FNBP1: variants seen among roughly 807,000 people sequenced by gnomAD.
FNBP1 encodes formin-binding protein 1.
In FNBP1, 26 loss-of-function variants were observed where a neutral mutation model predicts 90.6. The ratio of observed to expected loss-of-function variants is 0.29; its 90% confidence interval spans 0.21 to 0.40. FNBP1 has a LOEUF of 0.40. Ranked by LOEUF, FNBP1 falls within the 10% of genes least tolerant of loss-of-function variation. The probability of loss-of-function intolerance (pLI) is 1.00; values close to 1 mark genes in which losing one functional copy is unlikely to be tolerated. For synonymous variants in FNBP1, 260 were observed against 265.2 expected (o/e 0.98, Z 0.19); for missense variants, 635 against 768.0 (o/e 0.83, Z 2.05).
rs2059843553 is a variant in FNBP1, at chr9:130,041,799, T to C, written c.24+1153A>G. ...AAACAAAACAAAAAACAAGGGAGGATGTGCTCTGTTTCTGTAATTGCTCTA... is the reference window on the plus strand; with the variant it reads ...AAACAAAACAAAAAACAAGGGAGGACGTGCTCTGTTTCTGTAATTGCTCTA... On this transcript the variant is annotated intron_variant, in intron 1 of 16. Coordinates refer to ENST00000446176, the MANE Select transcript of FNBP1 (RefSeq NM_015033.3). The surrounding 1 kb of genome is among the most constrained non-coding windows in gnomAD (Gnocchi z 4.3). Among the ~76,000 whole-genome samples the C allele has an allele frequency of 6.6e-6, 1 of 152,146 alleles. No individual in the cohort carries two copies. Among genetic ancestry groups the C allele is most frequent in the Non-Finnish European group, 1.5e-5 (1 of 68,018 alleles).
intron 2 of FNBP1, among the ~76,000 whole-genome samples, chr9:129,987,229 C>T (rs1048932763): frequency 1.3e-5 from 2 of 151,962 alleles, no homozygotes; most frequent in Admixed American, 1.3e-4. Flanking sequence ...GCAGGGAACA[C>T]GTCCCAAGCT....
intron 10 of FNBP1, among the ~76,000 whole-genome samples, chr9:129,920,164 AT>A (rs2040871203): frequency 6.6e-6 from 1 of 152,180 alleles, no homozygotes; most frequent in South Asian, 2.1e-4. Flanking sequence ...CATTTGGGAA[AT>A]TTTTTTTAAC....
rs2059907430 is a variant in FNBP1, at chr9:130,042,407, C to T, written c.24+545G>A. On this transcript the variant is annotated intron_variant, in intron 1 of 16. Coordinates refer to ENST00000446176, the MANE Select transcript of FNBP1 (RefSeq NM_015033.3). This position sits in a 1 kb window ranked among gnomAD's most constrained non-coding sequence, Gnocchi z 5.5. ...GCCGCCACGGGCCAGAAGTCCTCGC[C>T]TCCAGAGCGAAGACCGCACTCTCGC... is the stretch of plus-strand genomic sequence containing the variant. 6.6e-6 allele frequency among the ~76,000 whole-genome samples: 1 copy of T among 152,144 alleles called. No individual in the cohort carries two copies. Among genetic ancestry groups the T allele is most frequent in the South Asian group, 2.1e-4 (1 of 4,838 alleles).
intron 8 of FNBP1, 24 bp downstream of exon 8, chr9:129,927,171 T>G: frequency 6.2e-7 from 1 of 1,611,314 alleles, no homozygotes; most frequent in Non-Finnish European, 8.5e-7. Context: ...TAGTTATCAA[T>G]GAAGTCCAAA....
At chr9:129,925,273 G>C in intron 8 of FNBP1, 116 bp from the exon 9 acceptor site, 1 of 747,034 alleles carries the variant, frequency 1.3e-6, no homozygotes, top group South Asian at 1.7e-5. Flanking sequence ...CTGGGAGGCA[G>C]AGGCGGGTGG....
intron 12 of FNBP1, among the ~76,000 whole-genome samples, chr9:129,906,807 G>T (rs985664703): frequency 7.2e-5 from 11 of 151,802 alleles, no homozygotes; most frequent in African/African-American, 2.7e-4. Context: ...TTGAGACAGA[G>T]TCTCGCTCTG....
At chr9:129,988,861 T>C (rs2052697245) in intron 2 of FNBP1, among the ~76,000 whole-genome samples, 1 of 152,150 alleles carries the variant, frequency 6.6e-6, no homozygotes, top group African/African-American at 2.4e-5. Context: ...CCTACAGGAA[T>C]CAAAGTCTCA....
the FNBP1 span, chr9:130,053,653 C>A: frequency 4.1e-6 from 2 of 484,542 alleles, no homozygotes; most frequent in Non-Finnish European, 7.4e-6. Context: ...GGCGGAGGTG[C>A]GGCCCGGGCT....
At chr9:129,933,904 A>G (rs2043094923) in intron 6 of FNBP1, among the ~76,000 whole-genome samples, 1 of 152,204 alleles carries the variant, frequency 6.6e-6, no homozygotes, top group Non-Finnish European at 1.5e-5. Flanking sequence ...ACTCTGGCCT[A>G]GGAATGCACC....
intron 1 of FNBP1, among the ~76,000 whole-genome samples, chr9:130,020,926 T>A (rs1323836251): frequency 6.6e-6 from 1 of 152,180 alleles, no homozygotes; most frequent in Non-Finnish European, 1.5e-5. Flanking sequence ...ACATCCTCTA[T>A]CACTGAAACG....
chr9:129,887,310 C>CT lies in FNBP1; in HGVS notation c.*3228dup. 5.1e-6 allele frequency: 1 copy of CT among 196,090 alleles called. No homozygotes were observed. Among genetic ancestry groups the CT allele is most frequent in the Non-Finnish European group, 1.1e-5 (1 of 94,094 alleles). 12.1% of individuals were successfully genotyped at this position (196,090 alleles called of 1,614,324 possible). A position where few individuals can be genotyped will look rare whatever the true frequency, so the allele number is the denominator to read the frequency against. ...AGAGACAAACAGGCAACTCTAGGAC[C>CT]TTTACAGTGGCGATCGGCCTCACAC... On this transcript the variant is annotated 3_prime_UTR_variant, in exon 17 of 17. Transcript: ENST00000446176.
At chr9:129,970,079 G>A (rs1044132454) in intron 4 of FNBP1, among the ~76,000 whole-genome samples, 2 of 149,122 alleles carry the variant, frequency 1.3e-5, no homozygotes, top group Admixed American at 1.3e-4. Context: ...TTTTTTTTTT[G>A]TATTTTTAGT....
intron 10 of FNBP1, among the ~76,000 whole-genome samples, chr9:129,921,023 C>T (rs2041005888): frequency 6.6e-6 from 1 of 152,190 alleles, no homozygotes. Flanking sequence ...CCATCATCCA[C>T]TTTTGAAGCT....
intron 4 of FNBP1, among the ~76,000 whole-genome samples, chr9:129,973,172 C>T (rs776109140): frequency 2.0e-5 from 3 of 152,192 alleles, no homozygotes; most frequent in Admixed American, 6.6e-5. Flanking sequence ...GAACACAGAA[C>T]TTATGTGGCC....
At position 129,966,466 on chromosome 9, in the gene FNBP1, C is replaced by G. The variant is rs1480562521; in HGVS notation, c.346-7913G>C. Among the ~76,000 whole-genome samples, 3 of 152,110 alleles carry G rather than the reference C, an allele frequency of 2.0e-5. No individual in the cohort carries two copies. Among genetic ancestry groups the G allele is most frequent in the African/African-American group, 7.2e-5 (3 of 41,408 alleles). On this transcript the variant is annotated intron_variant, in intron 4 of 16. Transcript: ENST00000446176. The surrounding 1 kb of genome is among the most constrained non-coding windows in gnomAD (Gnocchi z 4.3). ...AGTGACAGCCGGATGCAGTGGCTCA[C>G]GCCTGTAATCCCAGCACTTTGGGAG... is the stretch of plus-strand genomic sequence containing the variant.
chr9:129,923,983 G>T lies in FNBP1; in HGVS notation c.1031C>A (p.Pro344His), dbSNP rs780787179. The change falls in exon 10 of 17, where the codon CCT becomes CAT. Residue 344 changes from proline to histidine, a missense_variant. By Grantham distance (77) the Pro-to-His change is moderately conservative (BLOSUM62 -2). Transcript: ENST00000446176. ...LTSPHQPPPP[P>H]PASASPSAVP... ...AGCAGAGGGTGAGGCAGAGGCAGGA[G>T]GGGGAGGGGGAGGCTGATGGGGGGA... The T allele has an allele frequency of 6.8e-5, 104 of 1,527,892 alleles. No homozygotes were observed. The highest frequency in any genetic ancestry group is 5.1e-4 in the Middle Eastern group (3 of 5,862). The allele number at this position is 1,527,892 out of a possible 1,614,324, so 94.6% of individuals were successfully genotyped here.
rs1200440202 is a variant in FNBP1, at chr9:130,043,090, C to G, written c.-115G>C. On this transcript the variant is annotated 5_prime_UTR_variant, in exon 1 of 17. Coordinates refer to ENST00000446176, the MANE Select transcript of FNBP1 (RefSeq NM_015033.3). ...GCGACGGCGGAAAGCCCGGAGTCCGCGCGGCCTCCTCCGGCTCGCAGCTCC... is the reference window on the plus strand; with the variant it reads ...GCGACGGCGGAAAGCCCGGAGTCCGGGCGGCCTCCTCCGGCTCGCAGCTCC... 2 of 991,550 alleles carry G rather than the reference C, an allele frequency of 2.0e-6. No individual in the cohort carries two copies. The highest frequency in any genetic ancestry group is 3.4e-5 in the African/African-American group (2 of 59,396). 61.4% of individuals were successfully genotyped at this position (991,550 alleles called of 1,614,324 possible).
chr9:129,992,213 C>T (rs184079157), intron 2 of FNBP1, among the ~76,000 whole-genome samples: 285 of 152,282 alleles, frequency 1.9e-3, no homozygotes, highest in African/African-American at 6.5e-3. Context: ...GGAAGAATAC[C>T]AGTAGCCCGC....
intron 2 of FNBP1, among the ~76,000 whole-genome samples, chr9:129,989,168 C>G (rs1335160584): frequency 1.3e-5 from 2 of 152,212 alleles, no homozygotes; most frequent in Non-Finnish European, 2.9e-5. Flanking sequence ...ACCCCCACTT[C>G]AATCTCTATC....
Sources: gnomAD v4.1 joint callset for allele counts (sites outside exome capture counted in the v4.1 genomes callset) on GRCh38, gnomAD v4.1.1 for gene constraint, Gnocchi (gnomAD v3.1) non-coding constraint, MANE v1.5 for transcripts, NCBI Gene and HGNC (gene_info 2026-07-23, HGNC 2026-07-21) for gene names.